Variants in NEIL1 observed in about 807,000 individuals in gnomAD.
NEIL1 encodes nei like DNA glycosylase 1, also known as endonuclease 8-like 1.
Under a neutral mutation model 44.2 loss-of-function variants are expected in NEIL1, and 31 were observed. The ratio of observed to expected loss-of-function variants is 0.70; its 90% CI spans 0.53 to 0.95. NEIL1 has a LOEUF of 0.95. Ranked by LOEUF, NEIL1 falls within the 40% of genes least tolerant of loss-of-function variation. The probability of loss-of-function intolerance (pLI) is 0.00; values close to 1 mark genes in which losing one functional copy is unlikely to be tolerated. For synonymous variants in NEIL1, 254 were observed against 209.7 expected (o/e 1.21, Z -1.83); for missense variants, 549 against 515.5 (o/e 1.07, Z -0.63).
At chr15:75,351,032 G>A (rs1378090944) in intron 2 of NEIL1, among the ~76,000 whole-genome samples, 2 of 152,104 alleles carry the variant, frequency 1.3e-5, no homozygotes, top group African/African-American at 2.4e-5. Context: ...AGGTGGGGTG[G>A]GGGCTGCTAG....
intron 2 of NEIL1, among the ~76,000 whole-genome samples, chr15:75,350,744 G>A (rs1567237168): frequency 6.6e-6 from 1 of 152,120 alleles, no homozygotes; most frequent in South Asian, 2.1e-4. Context: ...CCTTCCTGGG[G>A]AGTCACGCCA....
chr15:75,347,713 T>A, intron 1 of NEIL1: 1 of 783,692 alleles, frequency 1.3e-6, no homozygotes, highest in Non-Finnish European at 1.6e-6. Flanking sequence ...GCTGTAGGGC[T>A]AAGGAGAAGA....
At chr15:75,354,893 A>T in intron 9 of NEIL1, 71 bp from the exon 10 acceptor site, 1 of 1,612,066 alleles carries the variant, frequency 6.2e-7, no homozygotes, top group Non-Finnish European at 8.5e-7. Flanking sequence ...GCGCGTGTAC[A>T]AAGGTGGGAG....
Position 75,357,059 on chromosome 15 carries a change from G to A in NEIL1, c.*2025G>A. 1.6e-6 allele frequency: 1 copy of A among 611,586 alleles called. No individual in the cohort carries two copies. 37.9% of individuals were successfully genotyped at this position (611,586 alleles called of 1,614,324 possible). On this transcript the variant is annotated 3_prime_UTR_variant, in exon 10 of 10. Transcript: ENST00000355059. ...GGGCCCTGGGCATGCCACCCAACCT[G>A]CCTAAGCCTCAGTTTCCTTATCTGT...
Position 75,356,638 on chromosome 15 carries a change from T to C in NEIL1, c.*1604T>C, listed in dbSNP as rs750452105. The stretch of plus-strand genomic sequence containing the variant: ...CGGCATCAGTGCATAGGTGAACTCG[T>C]GGCGCCCCGTGTCAGCAGTAGCGTC... On this transcript the variant is annotated 3_prime_UTR_variant, in exon 10 of 10. Transcript: ENST00000355059. The surrounding 1 kb of genome is among the most constrained non-coding windows in gnomAD (Gnocchi z 5.8). The C allele has an allele frequency of 6.4e-7, 1 of 1,570,052 alleles. No homozygotes were observed. The highest frequency in any genetic ancestry group is 8.6e-7 in the Non-Finnish European group (1 of 1,157,978).
rs142213781 is a variant in NEIL1, at chr15:75,353,853, C to T, written c.833C>T (p.Thr278Ile). The T allele has an allele frequency of 7.8e-4, 1,262 of 1,612,820 alleles. 6 individuals are homozygous for T. Among genetic ancestry groups the T allele is most frequent in the South Asian group, 2.1e-3 (189 of 91,014 alleles). Reference sequence around the variant, plus strand: ...TCCCTGCAGGACCGGCATGGCCGTACCATCTGGTTCCAGGTTGGGCCCTAC... The same window carrying T: ...TCCCTGCAGGACCGGCATGGCCGTATCATCTGGTTCCAGGTTGGGCCCTAC... ...MSSLQDRHGR[T>I]IWFQGDPGPL... Residue 278 changes from threonine to isoleucine, a missense_variant, in exon 6 of 10, where the codon ACC becomes ATC. Transcript: ENST00000355059.
chr15:75,355,139 C>A lies in NEIL1; in HGVS notation c.*105C>A. The A allele has an allele frequency of 1.1e-6, 1 of 885,828 alleles. No homozygotes were observed. Among genetic ancestry groups the A allele is most frequent in the South Asian group, 1.6e-5 (1 of 62,816 alleles). 54.9% of individuals were successfully genotyped at this position (885,828 alleles called of 1,614,324 possible). On this transcript the variant is annotated 3_prime_UTR_variant, in exon 10 of 10. Transcript: ENST00000355059. ...CAATATCTGAAGGTGCAAACAGGCCCTACGGCTGTTCCCTGCACAACTCTC... is the reference window on the plus strand; with the variant it reads ...CAATATCTGAAGGTGCAAACAGGCCATACGGCTGTTCCCTGCACAACTCTC...
In NEIL1 at chr15:75,356,864, G is replaced by A. The variant is rs538576951; in HGVS notation, c.*1830G>A. ...AGTCGTTGAGCAGGGCCAGCCCAAA[G>A]CCGTGTTCTGACAGATCCATCCAGC... On this transcript the variant is annotated 3_prime_UTR_variant, in exon 10 of 10. Transcript: ENST00000355059. The surrounding 1 kb of genome is among the most constrained non-coding windows in gnomAD (Gnocchi z 5.8). 3 of 1,614,152 alleles carry A rather than the reference G, an allele frequency of 1.9e-6. No individual in the cohort carries two copies. Among genetic ancestry groups the A allele is most frequent in the South Asian group, 2.2e-5 (2 of 91,088 alleles).
At position 75,349,233 on chromosome 15, in the gene NEIL1, C is replaced by G; in HGVS notation, c.328C>G (p.Leu110Val). The G allele has an allele frequency of 6.2e-7, 1 of 1,610,482 alleles. No homozygotes were observed. Among genetic ancestry groups the G allele is most frequent in the Non-Finnish European group, 8.5e-7 (1 of 1,179,878 alleles). ...TTACACGGCCCCGCCTGGCCCCCGG[C>G]TCGCCCTATGTTTCGTGGACATCCG... ...RFYTAPPGPR[L>V]ALCFVDIRRF... The change falls in exon 2 of 10, where the codon CTC becomes GTC. Residue 110 changes from leucine (L) to valine (V), a missense_variant. Physicochemically the swap from Leu to Val is conservative, Grantham distance 32. Transcript: ENST00000355059.
In NEIL1 at chr15:75,354,739, G is replaced by C; in HGVS notation, c.1023G>C (p.Glu341Asp). ...LPKRTATQRP[E>D]GTSLQQDPEA... ...AGAGGACTGCAACCCAGCGGCCTGA[G>C]GGGACCAGCCTCCAGCAGGACCCAG... Residue 341 changes from glutamate to aspartate, a missense_variant, in exon 9 of 10, where the codon GAG (glutamate) becomes GAC (aspartate). Coordinates refer to ENST00000355059, the MANE Select transcript of NEIL1 (RefSeq NM_024608.4). The C allele has an allele frequency of 6.2e-7, 1 of 1,614,160 alleles. No individual in the cohort carries two copies. Among genetic ancestry groups the C allele is most frequent in the Non-Finnish European group, 8.5e-7 (1 of 1,180,040 alleles).
rs375440388 is a variant in NEIL1, at chr15:75,356,625, A to T, written c.*1591A>T. ...ACTCACCCTTGTGCGGCATCAGTGC[A>T]TAGGTGAACTCGTGGCGCCCCGTGT... On this transcript the variant is annotated 3_prime_UTR_variant, in exon 10 of 10. Coordinates refer to ENST00000355059, the MANE Select transcript of NEIL1 (RefSeq NM_024608.4). This position sits in a 1 kb window ranked among gnomAD's most constrained non-coding sequence, Gnocchi z 5.8. The T allele has an allele frequency of 2.6e-6, 4 of 1,565,220 alleles. No individual in the cohort carries two copies. The highest frequency in any genetic ancestry group is 3.5e-6 in the Non-Finnish European group (4 of 1,155,378).
In NEIL1 at chr15:75,354,782, A is replaced by G. The variant is rs896601786; in HGVS notation, c.1066A>G (p.Lys356Glu). The change falls in exon 9 of 10, where the codon AAG becomes GAG. Residue 356 changes from lysine to glutamate, a missense_variant. Lys to Glu is a moderately conservative substitution (Grantham distance 56, BLOSUM62 1). Coordinates refer to ENST00000355059, the MANE Select transcript of NEIL1 (RefSeq NM_024608.4). ...GGACCCAGAAGCTCCCACAGTGCCC[A>G]AGAAGGGGAGGAGGAAGGGGCGACA... ...QQDPEAPTVP[K>E]KGRRKGRQAA... 1 of 1,614,100 alleles carries G rather than the reference A, an allele frequency of 6.2e-7. No homozygotes were observed. The highest frequency in any genetic ancestry group is 1.3e-5 in the African/African-American group (1 of 75,036).
At position 75,356,706 on chromosome 15, in the gene NEIL1, A is replaced by G. The variant is rs753065218; in HGVS notation, c.*1672A>G. On this transcript the variant is annotated 3_prime_UTR_variant, in exon 10 of 10. Coordinates refer to ENST00000355059, the MANE Select transcript of NEIL1 (RefSeq NM_024608.4). This position sits in a 1 kb window ranked among gnomAD's most constrained non-coding sequence, Gnocchi z 5.8. Reference sequence around the variant, plus strand: ...GCAAGCTGGGGTGAGGAGGGCGCGTAGGGGCCACGCTGAAGCTGTTGGAGT... The same window carrying G: ...GCAAGCTGGGGTGAGGAGGGCGCGTGGGGGCCACGCTGAAGCTGTTGGAGT... 2 of 1,610,026 alleles carry G rather than the reference A, an allele frequency of 1.2e-6. No homozygotes were observed. Among genetic ancestry groups the G allele is most frequent in the Non-Finnish European group, 1.7e-6 (2 of 1,178,400 alleles).
At chr15:75,351,992 G>A (rs1223249857) in intron 2 of NEIL1, 119 bp from the exon 3 acceptor site, 11 of 886,868 alleles carry the variant, frequency 1.2e-5, no homozygotes, top group Non-Finnish European at 1.8e-5. Flanking sequence ...GCAGGGAGAA[G>A]AGGAACTGTA....
At chr15:75,349,586 C>T (rs1038904652) in intron 2 of NEIL1, 2 of 518,038 alleles carry the variant, frequency 3.9e-6, no homozygotes, top group Non-Finnish European at 6.9e-6. Context: ...GAAGCCGAGG[C>T]GGGCAGATCA....
At chr15:75,353,998 C>T in intron 6 of NEIL1, 132 bp downstream of exon 6, 1 of 1,269,212 alleles carries the variant, frequency 7.9e-7, no homozygotes, top group South Asian at 1.4e-5. Flanking sequence ...TCCTGAGGGT[C>T]ACACCCCTCC....
chr15:75,349,038 T>A lies in NEIL1; in HGVS notation c.133T>A (p.Tyr45Asn). The A allele has an allele frequency of 6.2e-7, 1 of 1,613,738 alleles. No homozygotes were observed. Among genetic ancestry groups the A allele is most frequent in the Non-Finnish European group, 8.5e-7 (1 of 1,180,012 alleles). The change falls in exon 2 of 10, where the codon TAC (tyrosine) becomes AAC (asparagine). Residue 45 changes from tyrosine (Y) to asparagine (N), a missense_variant. Tyr to Asn is a moderately radical substitution (Grantham distance 143). Transcript: ENST00000355059. Reference sequence around the variant, plus strand: ...TGAGGTGCCCTTTGAGAGCAGTGCCTACCGCATCTCAGCTTCAGCCCGCGG... The same window carrying A: ...TGAGGTGCCCTTTGAGAGCAGTGCCAACCGCATCTCAGCTTCAGCCCGCGG... ...NPEVPFESSA[Y>N]RISASARGKE...
Position 75,353,491 on chromosome 15 carries a change from G to A in NEIL1, c.719-248G>A, listed in dbSNP as rs375250547. 3.5e-4 allele frequency: 195 copies of A among 563,558 alleles called. 3 individuals carry two copies. Among genetic ancestry groups the A allele is most frequent in the South Asian group, 3.0e-3 (187 of 62,176 alleles). The allele number at this position is 563,558 out of a possible 1,614,324, so 34.9% of individuals were successfully genotyped here. The stretch of plus-strand genomic sequence containing the variant: ...TTCTCCCATCTAAGCTTCCCAAAGT[G>A]TCGGGATTACAGGTGTGGCCACTGC... On this transcript the variant is annotated intron_variant, in intron 5 of 9. Transcript: ENST00000355059.
Position 75,349,127 on chromosome 15 carries a change from C to G in NEIL1, c.222C>G (p.Ala74=). The G allele has an allele frequency of 6.2e-7, 1 of 1,611,198 alleles. No homozygotes were observed. The highest frequency in any genetic ancestry group is 8.5e-7 in the Non-Finnish European group (1 of 1,179,942). The change falls in exon 2 of 10, where the codon GCC becomes GCG. Residue 74 remains alanine (A), a synonymous_variant. Coordinates refer to ENST00000355059, the MANE Select transcript of NEIL1 (RefSeq NM_024608.4). The part of the protein sequence containing the change: ...PGAQPQQEPL[A]LVFRFGMSGS... ...CCCAGCCCCAACAGGAGCCACTGGC[C>G]CTGGTCTTCCGCTTCGGCATGTCCG...
Sources: gnomAD v4.1 joint callset for allele counts (sites outside exome capture counted in the v4.1 genomes callset) on GRCh38, gnomAD v4.1.1 for gene constraint, Gnocchi (gnomAD v3.1) non-coding constraint, MANE v1.5 for transcripts, NCBI Gene and HGNC (gene_info 2026-07-23, HGNC 2026-07-21) for gene names.